Variants in CSMD1 observed in about 807,000 individuals in gnomAD.
The protein encoded by CSMD1 is CUB and Sushi multiple domains 1, also known as CUB and sushi domain-containing protein 1.
A neutral mutation model predicts 417.5 loss-of-function variants in CSMD1; 213 were observed. The observed-to-expected ratio is 0.51, with a 90% CI of 0.46 to 0.57. CSMD1 has a LOEUF of 0.57. CSMD1 is among the 20% of genes least tolerant of loss of function. The pLI is 0.00. For missense variants in CSMD1, 6,923 were observed against 4,529.7 expected (o/e 1.53, Z -15.17); for synonymous variants, 2,862 against 1,736.8 (o/e 1.65, Z -16.11).
intron 64 of CSMD1, 69 bp downstream of exon 64, chr8:2,955,520 G>T: frequency 1.3e-6 from 2 of 1,505,088 alleles, no homozygotes; most frequent in Non-Finnish European, 1.8e-6. Flanking sequence ...GTGGACACTA[G>T]CCTGATGGGC....
At chr8:4,272,663 C>T (rs994086968) in intron 3 of CSMD1, among the ~76,000 whole-genome samples, 5 of 152,170 alleles carry the variant, frequency 3.3e-5, no homozygotes, top group Non-Finnish European at 7.4e-5. Flanking sequence ...ACACTCCAAA[C>T]CGACTGTAGA....
chr8:4,366,523 A>G (rs1298458069), intron 3 of CSMD1, among the ~76,000 whole-genome samples: 3 of 152,134 alleles, frequency 2.0e-5, no homozygotes, highest in African/African-American at 7.2e-5. Flanking sequence ...CAGTAGCTTA[A>G]TTAATTTGCA....
At chr8:4,565,761 TATATATATATATATATATATATATA>T (rs1451529315) in intron 2 of CSMD1, among the ~76,000 whole-genome samples, 1 of 10,710 alleles carries the variant, frequency 9.3e-5, no homozygotes, top group African/African-American at 1.9e-4. Flanking sequence ...TATATATATA[TATATATATATATATATATATATATA>T]TATATATATA....
Position 4,103,835 on chromosome 8 carries a change from C to T in CSMD1, c.416-71736G>A, listed in dbSNP as rs775863137. 1.2e-4 allele frequency among the ~76,000 whole-genome samples: 18 copies of T among 152,298 alleles called. 1 individual carries two copies. The highest frequency in any genetic ancestry group is 3.4e-3 in the Middle Eastern group (1 of 294). ...TCCATGACAGCCTCTTCATAAAATG[C>T]TCTAACTCCCTGGCAGCATTGTCTG... On this transcript the variant is annotated intron_variant, in intron 3 of 69. Coordinates refer to ENST00000635120, the MANE Select transcript of CSMD1 (RefSeq NM_033225.6).
At chr8:3,084,453 G>A (rs1814368964) in intron 49 of CSMD1, among the ~76,000 whole-genome samples, 1 of 143,174 alleles carries the variant, frequency 7.0e-6, no homozygotes, top group Admixed American at 7.4e-5. Flanking sequence ...AACCTGGGAG[G>A]CAGAAGTTGC....
chr8:4,062,556 C>T (rs1426281), intron 3 of CSMD1, among the ~76,000 whole-genome samples: 45 of 152,188 alleles, frequency 3.0e-4, no homozygotes, highest in African/African-American at 1.0e-3. Context: ...AACAACATTT[C>T]GTGAAACATA....
intron 1 of CSMD1, among the ~76,000 whole-genome samples, chr8:4,796,079 C>G (rs1294697824): frequency 6.6e-6 from 1 of 152,074 alleles, no homozygotes; most frequent in African/African-American, 2.4e-5. Context: ...ATTACAAAGA[C>G]AAGTAAATGT....
intron 3 of CSMD1, among the ~76,000 whole-genome samples, chr8:4,389,638 G>T (rs915270844): frequency 6.6e-6 from 1 of 152,086 alleles, no homozygotes; most frequent in African/African-American, 2.4e-5. Context: ...ACAAATCGTA[G>T]TATCCACTTC....
At chr8:3,597,242 C>T (rs1275689291) in intron 8 of CSMD1, among the ~76,000 whole-genome samples, 1 of 152,178 alleles carries the variant, frequency 6.6e-6, no homozygotes, top group Non-Finnish European at 1.5e-5. Flanking sequence ...AGGGGTACAC[C>T]CAGGCTGTCT....
chr8:4,086,763 C>T (rs1800443032), intron 3 of CSMD1, among the ~76,000 whole-genome samples: 1 of 152,192 alleles, frequency 6.6e-6, no homozygotes, highest in Non-Finnish European at 1.5e-5. Context: ...TTAATTCTTA[C>T]ATCTTTTTCA....
intron 11 of CSMD1, among the ~76,000 whole-genome samples, chr8:3,488,983 T>C (rs764825553): frequency 8.5e-5 from 13 of 152,212 alleles, no homozygotes; most frequent in South Asian, 2.1e-4. Flanking sequence ...CCAACATCAA[T>C]TGTTTATGCT....
intron 1 of CSMD1, among the ~76,000 whole-genome samples, chr8:4,761,959 CTAT>C (rs1563320013): frequency 2.8e-4 from 42 of 149,816 alleles, no homozygotes; most frequent in African/African-American, 1.0e-3. Context: ...ATCTATCTAT[CTAT>C]CTAGATTCCC....
At chr8:4,648,423 G>T (rs1159315979) in intron 1 of CSMD1, among the ~76,000 whole-genome samples, 1 of 151,924 alleles carries the variant, frequency 6.6e-6, no homozygotes, top group Non-Finnish European at 1.5e-5. Context: ...TGAGTCTTGG[G>T]GCTCAGTCCA....
intron 62 of CSMD1, among the ~76,000 whole-genome samples, chr8:2,958,659 G>A (rs936148747): frequency 6.6e-6 from 1 of 152,240 alleles, no homozygotes; most frequent in Non-Finnish European, 1.5e-5. Context: ...GGAGAGGAAA[G>A]CAGCCCCCAG....
At chr8:4,883,563 T>C (rs866589438) in intron 1 of CSMD1, among the ~76,000 whole-genome samples, 1 of 152,248 alleles carries the variant, frequency 6.6e-6, no homozygotes, top group Middle Eastern at 3.4e-3. Context: ...TCCAAGCATT[T>C]CGTATAATAG....
intron 8 of CSMD1, among the ~76,000 whole-genome samples, chr8:3,596,382 C>T (rs1056540361): frequency 7.2e-5 from 11 of 152,162 alleles, no homozygotes. Context: ...CAGGTCAGGG[C>T]AGACCTTTGG....
At chr8:4,174,008 C>G (rs1302688401) in intron 3 of CSMD1, among the ~76,000 whole-genome samples, 1 of 152,122 alleles carries the variant, frequency 6.6e-6, no homozygotes, top group Non-Finnish European at 1.5e-5. Flanking sequence ...ATGCCTGGAT[C>G]AATCACCATG....
intron 11 of CSMD1, among the ~76,000 whole-genome samples, chr8:3,472,274 C>G (rs1199478734): frequency 6.6e-6 from 1 of 152,114 alleles, no homozygotes; most frequent in Non-Finnish European, 1.5e-5. Context: ...TCATAACAAA[C>G]TTAAGCACCT....
At chr8:3,908,931 G>A (rs981592994) in intron 5 of CSMD1, among the ~76,000 whole-genome samples, 7 of 152,292 alleles carry the variant, frequency 4.6e-5, no homozygotes, top group African/African-American at 1.2e-4. Flanking sequence ...CTTTGCAAGC[G>A]CTGGCAAACA....
Sources: gnomAD v4.1 joint callset for allele counts (sites outside exome capture counted in the v4.1 genomes callset) on GRCh38, gnomAD v4.1.1 for gene constraint, MANE v1.5 for transcripts, NCBI Gene and HGNC (gene_info 2026-07-23, HGNC 2026-07-21) for gene names.